The following FTO variants were observed in gnomAD, a reference collection of about 807,000 sequenced individuals.
FTO encodes alpha-ketoglutarate-dependent dioxygenase FTO.
A neutral mutation model predicts 63.9 loss-of-function variants in FTO; 47 were observed. That is an observed-to-expected ratio of 0.74 (90% CI 0.58 to 0.94). The LOEUF is 0.94. Among genes scored for constraint, FTO ranks in the 40% least tolerant of loss-of-function variants. The pLI is 0.00. For synonymous variants in FTO, 207 were observed against 224.4 expected (o/e 0.92, Z 0.69); for missense variants, 562 against 618.1 (o/e 0.91, Z 0.96).
chr16:53,791,773 T>C (rs1383696702), intron 1 of FTO, among the ~76,000 whole-genome samples: 4 of 152,180 alleles, frequency 2.6e-5, no homozygotes, highest in Non-Finnish European at 5.9e-5. Context: ...CAAGAAAGCA[T>C]GATAATAAAG....
chr16:53,742,471 C>A (rs112238286), intron 1 of FTO, among the ~76,000 whole-genome samples: 2 of 152,258 alleles, frequency 1.3e-5, no homozygotes, highest in African/African-American at 2.4e-5. Flanking sequence ...TATCTACTAT[C>A]CCTGCCTTCT....
chr16:54,103,395 C>T (rs1434336525), intron 8 of FTO, among the ~76,000 whole-genome samples: 1 of 152,096 alleles, frequency 6.6e-6, no homozygotes, highest in African/African-American at 2.4e-5. Context: ...TTGAAGAACA[C>T]TAACTACTAA....
At position 53,884,326 on chromosome 16, in the gene FTO, C is replaced by T. The variant is rs1221446934; in HGVS notation, c.1119+4339C>T. Among the ~76,000 whole-genome samples the T allele has an allele frequency of 3.3e-5, 5 of 152,260 alleles. No individual in the cohort carries two copies. In the East Asian group the frequency reaches 7.7e-4, roughly 24 times the overall value. ...TTCAGCCTCTTCTCTTAGTAAATGT[C>T]CCCTAGAAGAATGGAATGTTTGATG... On this transcript the variant is annotated intron_variant, in intron 6 of 8. Coordinates refer to ENST00000471389, the MANE Select transcript of FTO (RefSeq NM_001080432.3).
intron 7 of FTO, among the ~76,000 whole-genome samples, chr16:53,898,406 C>G (rs1175347144): frequency 3.3e-5 from 5 of 152,172 alleles, no homozygotes; most frequent in African/African-American, 9.7e-5. Context: ...CAAGCACTCT[C>G]TCATTGTAGC....
chr16:53,780,111 A>G (rs988052759), intron 1 of FTO, among the ~76,000 whole-genome samples: 2 of 152,172 alleles, frequency 1.3e-5, no homozygotes, highest in African/African-American at 4.8e-5. Flanking sequence ...GACAAACAGA[A>G]TGAGATCCTT....
chr16:54,019,043 T>C (rs1350868678), intron 8 of FTO, among the ~76,000 whole-genome samples: 2 of 152,228 alleles, frequency 1.3e-5, no homozygotes, highest in Admixed American at 1.3e-4. Flanking sequence ...CTTCAGTTTC[T>C]GCCATCATCA....
intron 8 of FTO, among the ~76,000 whole-genome samples, chr16:54,058,441 C>T (rs12933470): frequency 1.2e-3 from 183 of 152,200 alleles, no homozygotes; most frequent in Middle Eastern, 3.4e-3. Flanking sequence ...AACTCCAGCG[C>T]AGTAAAGAAA....
At chr16:53,851,988 A>G (rs1323180680) in intron 4 of FTO, among the ~76,000 whole-genome samples, 1 of 151,588 alleles carries the variant, frequency 6.6e-6, no homozygotes, top group Admixed American at 6.6e-5. Flanking sequence ...AATAACTTTA[A>G]GCATTCTTGG....
rs138401919 is a variant in FTO, at chr16:53,735,232, T to C, written c.45+31003T>C. On this transcript the variant is annotated intron_variant, in intron 1 of 8. Transcript: ENST00000471389. ...GAGACAAATACATTTAAGACCAGAATTGGAACTTTGAATTATCCATCCAAT... is the reference window on the plus strand; with the variant it reads ...GAGACAAATACATTTAAGACCAGAACTGGAACTTTGAATTATCCATCCAAT... Among the ~76,000 whole-genome samples the C allele has an allele frequency of 1.6e-4, 25 of 152,332 alleles. No homozygotes were observed. The East Asian group carries it at 3.5e-3, about 21-fold the overall frequency.
chr16:53,772,341 C>T (rs912467305), intron 1 of FTO, among the ~76,000 whole-genome samples: 2 of 152,022 alleles, frequency 1.3e-5, no homozygotes, highest in Admixed American at 6.6e-5. Context: ...CAGGTATCTG[C>T]GTGGCTGGTT....
chr16:53,912,201 T>C (rs2081727920), intron 7 of FTO, among the ~76,000 whole-genome samples: 1 of 152,048 alleles, frequency 6.6e-6, no homozygotes, highest in African/African-American at 2.4e-5. Context: ...CAATTTAGAG[T>C]AAAACCTCAC....
intron 1 of FTO, among the ~76,000 whole-genome samples, chr16:53,751,959 G>A (rs1003981202): frequency 2.0e-5 from 3 of 152,126 alleles, no homozygotes; most frequent in African/African-American, 7.2e-5. Flanking sequence ...AAACAAAATT[G>A]ACTTATAGTC....
At chr16:53,951,567 T>A (rs2082801540) in intron 8 of FTO, among the ~76,000 whole-genome samples, 1 of 152,214 alleles carries the variant, frequency 6.6e-6, no homozygotes. Flanking sequence ...TGAATACTTT[T>A]TATTTGAAAA....
At chr16:54,038,098 A>G (rs1292467076) in intron 8 of FTO, among the ~76,000 whole-genome samples, 2 of 152,208 alleles carry the variant, frequency 1.3e-5, no homozygotes, top group African/African-American at 4.8e-5. Flanking sequence ...CAGTGAACAC[A>G]TTGAAAATGG....
At chr16:53,970,290 T>C (rs2083286301) in intron 8 of FTO, among the ~76,000 whole-genome samples, 1 of 152,040 alleles carries the variant, frequency 6.6e-6, no homozygotes, top group African/African-American at 2.4e-5. Flanking sequence ...GAAGCCGACT[T>C]GGGTGAAAAA....
chr16:53,829,522 C>G (rs541934660), intron 3 of FTO, among the ~76,000 whole-genome samples: 1 of 152,350 alleles, frequency 6.6e-6, no homozygotes, highest in African/African-American at 2.4e-5. Flanking sequence ...GTTTTCTGGT[C>G]TTATAATCCT....
intron 7 of FTO, among the ~76,000 whole-genome samples, chr16:53,916,537 C>T (rs2081870353): frequency 6.6e-6 from 1 of 152,196 alleles, no homozygotes; most frequent in Admixed American, 6.5e-5. Flanking sequence ...ACGTTTTGCT[C>T]ATGTGAACAT....
At chr16:53,853,211 C>A (rs13337774) in intron 4 of FTO, among the ~76,000 whole-genome samples, 63,591 of 151,676 alleles carry the variant, frequency 0.42, 15,868 homozygotes, top group East Asian at 0.83. Flanking sequence ...AGGCCGAGGC[C>A]AGAGAATCCC....
rs2144638022 is a variant in FTO, at chr16:54,112,333, A to C, written c.*418A>C. 4.1e-6 allele frequency: 1 copy of C among 244,834 alleles called. No homozygotes were observed. Among genetic ancestry groups the C allele is most frequent in the Admixed American group, 5.1e-5 (1 of 19,530 alleles). 15.2% of individuals were successfully genotyped at this position (244,834 alleles called of 1,614,324 possible). On this transcript the variant is annotated 3_prime_UTR_variant, in exon 9 of 9. Coordinates refer to ENST00000471389, the MANE Select transcript of FTO (RefSeq NM_001080432.3). ...CATCCCAGTTACTCACCACACCCAT[A>C]GTGCTGTCCAATATGGTAGCCACTA...
Sources: allele counts gnomAD v4.1 joint callset (sites outside exome capture counted in the v4.1 genomes callset), GRCh38; gene constraint gnomAD v4.1.1; transcripts MANE v1.5; gene names NCBI Gene and HGNC (gene_info 2026-07-23, HGNC 2026-07-21).